The following FOXP1 variants were observed in gnomAD, a reference collection of about 807,000 sequenced individuals.
FOXP1 encodes the protein forkhead box P1.
A neutral mutation model predicts 98.2 loss-of-function variants in FOXP1; 15 were observed. That is an observed-to-expected ratio of 0.15 (90% CI 0.10 to 0.24). FOXP1 has a LOEUF of 0.24. FOXP1 is among the 10% of genes least tolerant of loss of function. The probability of loss-of-function intolerance (pLI) is 1.00; values close to 1 mark genes in which losing one functional copy is unlikely to be tolerated. For missense variants in FOXP1, 633 were observed against 848.5 expected (o/e 0.75, Z 3.15); for synonymous variants, 371 against 314.5 (o/e 1.18, Z -1.90).
At chr3:71,503,699 G>A (rs1297814682) in intron 2 of FOXP1, among the ~76,000 whole-genome samples, 1 of 152,162 alleles carries the variant, frequency 6.6e-6, no homozygotes, top group Non-Finnish European at 1.5e-5. Context: ...GTCAGGTATG[G>A]TACTGTAGGG....
chr3:71,338,443 G>A (rs2076816346), intron 4 of FOXP1, among the ~76,000 whole-genome samples: 1 of 152,152 alleles, frequency 6.6e-6, no homozygotes, highest in African/African-American at 2.4e-5. Flanking sequence ...TATCCCAGGA[G>A]AGTATAAATT....
intron 3 of FOXP1, among the ~76,000 whole-genome samples, chr3:71,447,069 G>A (rs527523829): frequency 6.6e-6 from 1 of 152,354 alleles, no homozygotes; most frequent in South Asian, 2.1e-4. Flanking sequence ...ATGGGAGAGG[G>A]GCTGGTGTTA....
chr3:71,134,272 C>T (rs889253673), intron 6 of FOXP1, among the ~76,000 whole-genome samples: 8 of 152,152 alleles, frequency 5.3e-5, no homozygotes, highest in Admixed American at 2.0e-4. Context: ...TTTACAATTT[C>T]GAATGGACAC....
upstream of FOXP1, chr3:71,583,833 C>G: frequency 1.0e-6 from 1 of 987,426 alleles, no homozygotes; most frequent in African/African-American, 1.8e-5. Context: ...GGCAGAGGCG[C>G]GGGCAGCACC....
chr3:71,130,881 C>T (rs1559994854), intron 6 of FOXP1: 6 of 1,390,902 alleles, frequency 4.3e-6, no homozygotes, highest in East Asian at 2.6e-5. Context: ...ATATCTAAAC[C>T]GCTCCAGGTC....
At chr3:71,107,299 G>C (rs1317219387) in intron 7 of FOXP1, among the ~76,000 whole-genome samples, 1 of 152,146 alleles carries the variant, frequency 6.6e-6, no homozygotes, top group Non-Finnish European at 1.5e-5. Flanking sequence ...TGGACCCCAA[G>C]GTGAACTTCT....
At chr3:71,010,773 T>A (rs541024306) in intron 12 of FOXP1, among the ~76,000 whole-genome samples, 1 of 152,116 alleles carries the variant, frequency 6.6e-6, no homozygotes, top group Non-Finnish European at 1.5e-5. Flanking sequence ...TCAGGATCTA[T>A]GAATCCAGCA....
At chr3:71,022,522 T>C (rs1291943827) in intron 11 of FOXP1, among the ~76,000 whole-genome samples, 2 of 152,214 alleles carry the variant, frequency 1.3e-5, no homozygotes, top group Non-Finnish European at 2.9e-5. Context: ...CTGTTGATCC[T>C]TTGTGTACTG....
At chr3:71,490,381 C>T (rs1001983017) in intron 3 of FOXP1, among the ~76,000 whole-genome samples, 18 of 151,956 alleles carry the variant, frequency 1.2e-4, no homozygotes, top group African/African-American at 4.4e-4. Context: ...ACCTGCAATC[C>T]CAGCTAATTG....
chr3:71,002,910 T>C (rs1054502443), intron 12 of FOXP1, among the ~76,000 whole-genome samples: 2 of 152,140 alleles, frequency 1.3e-5, no homozygotes, highest in Non-Finnish European at 2.9e-5. Context: ...AGAAAGAGGC[T>C]TTCATTCTAA....
At chr3:71,070,532 A>C (rs2053089706) in intron 7 of FOXP1, among the ~76,000 whole-genome samples, 1 of 152,198 alleles carries the variant, frequency 6.6e-6, no homozygotes, top group Admixed American at 6.5e-5. Flanking sequence ...GAAAAAGCAA[A>C]AGAAGAGTAC....
At chr3:71,143,325 A>C (rs9833452) in intron 6 of FOXP1, among the ~76,000 whole-genome samples, 25,410 of 152,120 alleles carry the variant, frequency 0.17, 6,148 homozygotes, top group African/African-American at 0.53. Flanking sequence ...TTCTTGGCAG[A>C]CCATGCAAGG....
intron 4 of FOXP1, among the ~76,000 whole-genome samples, chr3:71,348,036 A>C (rs1351015164): frequency 6.6e-6 from 1 of 152,190 alleles, no homozygotes; most frequent in Non-Finnish European, 1.5e-5. Context: ...TAATTTATAA[A>C]TTAGGCACAG....
intron 5 of FOXP1, among the ~76,000 whole-genome samples, chr3:71,262,264 CAAAAAAAAAAAAAAAAAAAAAAAAAAA>C (rs71104433): frequency 3.9e-5 from 1 of 25,698 alleles, no homozygotes; most frequent in Admixed American, 7.5e-4. Context: ...GACTCTGTCA[CAAAAAAAAAAAAAAAAAAAAAAAAAAA>C]AAAAAAAAAA....
Position 71,509,906 on chromosome 3 carries a change from C to T in FOXP1, c.-297-16351G>A, listed in dbSNP as rs537479354. On this transcript the variant is annotated intron_variant, in intron 2 of 20. Coordinates refer to ENST00000649528, the MANE Select transcript of FOXP1 (RefSeq NM_001349338.3). Reference sequence around the variant, plus strand: ...TAAAAAGAAGGAATCAGGCCAGGCACGGTGGCTCACGCCTGTAATCCCAGC... The same window carrying T: ...TAAAAAGAAGGAATCAGGCCAGGCATGGTGGCTCACGCCTGTAATCCCAGC... Among the ~76,000 whole-genome samples the T allele has an allele frequency of 3.9e-5, 6 of 152,134 alleles. 1 individual carries two copies. The South Asian group carries it at 1.0e-3, about 26-fold the overall frequency.
chr3:71,103,563 A>T (rs1287071380), intron 7 of FOXP1, among the ~76,000 whole-genome samples: 1 of 152,136 alleles, frequency 6.6e-6, no homozygotes, highest in East Asian at 1.9e-4. Flanking sequence ...TATTGCACCA[A>T]ATGCTGTTAT....
At chr3:71,166,574 T>A (rs1325706808) in intron 6 of FOXP1, among the ~76,000 whole-genome samples, 1 of 152,206 alleles carries the variant, frequency 6.6e-6, no homozygotes, top group African/African-American at 2.4e-5. Flanking sequence ...TGCAAGCTCC[T>A]TTTGTGCTTG....
At chr3:71,530,664 G>A (rs2107531030) in intron 2 of FOXP1, among the ~76,000 whole-genome samples, 1 of 152,330 alleles carries the variant, frequency 6.6e-6, no homozygotes, top group Middle Eastern at 3.4e-3. Context: ...TAATTATGTT[G>A]CACATACTGT....
At chr3:71,576,328 C>CT (rs1381397996) in intron 2 of FOXP1, among the ~76,000 whole-genome samples, 2 of 151,780 alleles carry the variant, frequency 1.3e-5, no homozygotes, top group African/African-American at 4.8e-5. Context: ...ATTCATATTC[C>CT]TTTTTAAAAA....
Sources: gnomAD v4.1 joint callset for allele counts (sites outside exome capture counted in the v4.1 genomes callset) on GRCh38, gnomAD v4.1.1 for gene constraint, MANE v1.5 for transcripts, NCBI Gene and HGNC (gene_info 2026-07-23, HGNC 2026-07-21) for gene names.